Variants in CNBD1 observed in about 807,000 individuals in gnomAD.
CNBD1 encodes cyclic nucleotide binding domain containing 1, also known as cyclic nucleotide-binding domain-containing protein 1.
CNBD1 carries 71 observed loss-of-function variants against 54.4 expected under a neutral mutation model. That is an observed-to-expected ratio of 1.30 (90% CI 1.08 to 1.59). The LOEUF (loss-of-function observed/expected upper bound fraction) is 1.59, where lower values mean the gene tolerates loss of function less well. Among genes scored for constraint, CNBD1 ranks in the 40% most tolerant of loss-of-function variants. CNBD1 has a pLI of 0.00. For missense variants in CNBD1, 659 were observed against 518.0 expected (o/e 1.27, Z -2.64); for synonymous variants, 182 against 170.7 (o/e 1.07, Z -0.51).
chr8:87,210,028 T>C (rs1210406102), intron 5 of CNBD1, among the ~76,000 whole-genome samples: 1 of 152,186 alleles, frequency 6.6e-6, no homozygotes, highest in Non-Finnish European at 1.5e-5. Context: ...CTTCCCACTT[T>C]ACTTGAGTTT....
At chr8:87,379,596 C>A (rs934047683) in intron 10 of CNBD1, among the ~76,000 whole-genome samples, 7 of 151,788 alleles carry the variant, frequency 4.6e-5, no homozygotes, top group African/African-American at 1.7e-4. Flanking sequence ...GAACTGCATT[C>A]ATTTTTGATG....
chr8:87,091,765 A>C (rs984677551), intron 4 of CNBD1, among the ~76,000 whole-genome samples: 1 of 151,778 alleles, frequency 6.6e-6, no homozygotes, highest in Non-Finnish European at 1.5e-5. Flanking sequence ...TGTATCCTTC[A>C]TGTGTAAAGG....
intron 4 of CNBD1, among the ~76,000 whole-genome samples, chr8:87,087,262 C>CGT (rs1563463344): frequency 1.5e-5 from 2 of 135,102 alleles, no homozygotes; most frequent in African/African-American, 5.8e-5. Context: ...TATATATATA[C>CGT]ATATATATAT....
intron 10 of CNBD1, among the ~76,000 whole-genome samples, chr8:87,362,956 C>T (rs1810553213): frequency 6.6e-6 from 1 of 151,852 alleles, no homozygotes; most frequent in African/African-American, 2.4e-5. Flanking sequence ...CTGTACCCAT[C>T]AACCCGTCAT....
chr8:86,956,313 T>G (rs541598997), intron 4 of CNBD1, among the ~76,000 whole-genome samples: 10 of 152,230 alleles, frequency 6.6e-5, no homozygotes, highest in African/African-American at 2.4e-4. Flanking sequence ...TGGCTATGTG[T>G]GCTCTTTTTT....
intron 4 of CNBD1, among the ~76,000 whole-genome samples, chr8:87,177,457 A>G (rs1465128619): frequency 1.3e-5 from 2 of 152,222 alleles, no homozygotes; most frequent in African/African-American, 4.8e-5. Context: ...TTCTTCAAGA[A>G]TTTTAATACT....
intron 4 of CNBD1, among the ~76,000 whole-genome samples, chr8:86,959,859 G>A (rs550749727): frequency 7.5e-4 from 114 of 152,208 alleles, no homozygotes; most frequent in Non-Finnish European, 1.2e-3. Flanking sequence ...CTCTCCACTC[G>A]TCAAAGTCAT....
intron 8 of CNBD1, among the ~76,000 whole-genome samples, chr8:87,303,079 T>C (rs1157735571): frequency 6.6e-6 from 1 of 151,964 alleles, no homozygotes. Context: ...ATTTATAGAT[T>C]CAATGCTATC....
chr8:87,091,245 A>C (rs1348740840), intron 4 of CNBD1, among the ~76,000 whole-genome samples: 1 of 152,048 alleles, frequency 6.6e-6, no homozygotes, highest in Non-Finnish European at 1.5e-5. Flanking sequence ...CAATATGCCC[A>C]GTCCTGTATT....
At chr8:87,381,905 A>G (rs1019379125) in intron 10 of CNBD1, among the ~76,000 whole-genome samples, 6 of 151,994 alleles carry the variant, frequency 3.9e-5, no homozygotes, top group Admixed American at 2.6e-4. Flanking sequence ...CAAGATGAAT[A>G]AGTTCTATGG....
chr8:87,271,828 C>T (rs1808372305), intron 6 of CNBD1, among the ~76,000 whole-genome samples: 1 of 149,496 alleles, frequency 6.7e-6, no homozygotes, highest in Admixed American at 6.6e-5. Context: ...CAGCACTATT[C>T]ACAGTAGCCC....
chr8:87,389,255 A>T (rs968347179), intron 2 of CNBD1, among the ~76,000 whole-genome samples: 1 of 152,194 alleles, frequency 6.6e-6, no homozygotes, highest in Non-Finnish European at 1.5e-5. Context: ...GGCCAGGGCA[A>T]TCAGGCAGGA....
chr8:87,387,326 C>T (rs557622679), downstream of CNBD1, among the ~76,000 whole-genome samples: 2,451 of 151,340 alleles, frequency 0.016, 71 homozygotes, highest in African/African-American at 0.054. Context: ...GGATAAAGAG[C>T]CAAGACCCAT....
intron 8 of CNBD1, among the ~76,000 whole-genome samples, chr8:87,311,214 G>T (rs986578987): frequency 6.6e-6 from 1 of 151,996 alleles, no homozygotes; most frequent in East Asian, 1.9e-4. Flanking sequence ...ACAAAGGTCT[G>T]ATATCTAGAA....
intron 4 of CNBD1, among the ~76,000 whole-genome samples, chr8:87,116,406 G>A (rs1335920348): frequency 6.6e-6 from 1 of 151,840 alleles, no homozygotes; most frequent in African/African-American, 2.4e-5. Context: ...TAGAGATGGA[G>A]TCTCACTGTG....
rs185990644 is a variant in CNBD1, at chr8:87,080,317, C to T, written c.432-125676C>T. Among the ~76,000 whole-genome samples the T allele has an allele frequency of 2.6e-5, 4 of 152,280 alleles. No homozygotes were observed. In the East Asian group the frequency reaches 5.8e-4, roughly 22 times the overall value. On this transcript the variant is annotated intron_variant, in intron 4 of 10. Transcript: ENST00000518476. ...TGATTTTTAGGTCTGGGTATGGTGG[C>T]TCACACCTGTAATCCCAGCACTTTG...
At chr8:87,193,627 C>A (rs1586320473) in intron 4 of CNBD1, among the ~76,000 whole-genome samples, 1 of 152,180 alleles carries the variant, frequency 6.6e-6, no homozygotes, top group South Asian at 2.1e-4. Context: ...AGCCTTCTGG[C>A]AATTTTCCAT....
At chr8:87,346,753 C>A (rs1810183826) in intron 8 of CNBD1, among the ~76,000 whole-genome samples, 1 of 152,056 alleles carries the variant, frequency 6.6e-6, no homozygotes, top group Non-Finnish European at 1.5e-5. Flanking sequence ...TAGAGAGATT[C>A]TTTGAAGCTT....
At chr8:87,033,646 C>T (rs941557902) in intron 4 of CNBD1, among the ~76,000 whole-genome samples, 3 of 152,150 alleles carry the variant, frequency 2.0e-5, no homozygotes, top group African/African-American at 7.2e-5. Flanking sequence ...GCTCATTTAT[C>T]TTCCTTACTA....
Sources: gnomAD v4.1 joint callset for allele counts (sites outside exome capture counted in the v4.1 genomes callset) on GRCh38, gnomAD v4.1.1 for gene constraint, MANE v1.5 for transcripts, NCBI Gene and HGNC (gene_info 2026-07-23, HGNC 2026-07-21) for gene names.